Variants in DTNA observed in about 807,000 individuals in gnomAD.
The protein encoded by DTNA is dystrophin-related protein 3.
In DTNA, 43 loss-of-function variants were observed where a neutral mutation model predicts 100.7. That is an observed-to-expected ratio of 0.43 (90% CI 0.33 to 0.55). The LOEUF is 0.55. DTNA is among the 20% of genes least tolerant of loss of function. The pLI is 0.04. For synonymous variants in DTNA, 349 were observed against 347.9 expected (o/e 1.00, Z -0.04); for missense variants, 798 against 953.9 (o/e 0.84, Z 2.15).
intron 11 of DTNA, 139 bp downstream of exon 11, chr18:34,829,628 T>G (rs952600412): frequency 2.2e-6 from 2 of 915,466 alleles, no homozygotes; most frequent in Non-Finnish European, 3.1e-6. Context: ...AATGAAATTG[T>G]GTTGAGACTT....
At position 34,734,194 on chromosome 18, in the gene DTNA, A is replaced by G. The variant is rs539386439; in HGVS notation, c.-1-21782A>G. Among the ~76,000 whole-genome samples the G allele has an allele frequency of 3.0e-4, 46 of 152,226 alleles. No individual in the cohort carries two copies. The South Asian group carries it at 7.7e-3, about 25-fold the overall frequency. ...AGGGTGGCTCCTCAGGAGAATCAACATTATCTTGCTTGACAACTGCCTCAG... is the reference window on the plus strand; with the variant it reads ...AGGGTGGCTCCTCAGGAGAATCAACGTTATCTTGCTTGACAACTGCCTCAG... On this transcript the variant is annotated intron_variant, in intron 1 of 22. Transcript: ENST00000444659.
In DTNA at chr18:34,877,750, A is replaced by G. The variant is rs574230566; in HGVS notation, c.1935A>G (p.Leu645=). 4 of 1,613,908 alleles carry G rather than the reference A, an allele frequency of 2.5e-6. No homozygotes were observed. Among genetic ancestry groups the G allele is most frequent in the East Asian group, 4.5e-5 (2 of 44,854 alleles). The change falls in exon 19 of 23, where the codon CTA becomes CTG. Residue 645 remains leucine, a synonymous_variant. Transcript: ENST00000444659. ...GAAGAAACTTAAGGAATGACTTGCT[A>G]GTGGCTGCAGATTCCATCACTAACA... ...SSRRNLRNDL[L]VAADSITNTM...
At chr18:34,583,157 T>C (rs2048798525) in intron 1 of DTNA, among the ~76,000 whole-genome samples, 1 of 152,226 alleles carries the variant, frequency 6.6e-6, no homozygotes, top group Non-Finnish European at 1.5e-5. Context: ...GAAGTCTTAA[T>C]ATAGGGAACA....
At chr18:34,555,949 T>A (rs550284945) in intron 1 of DTNA, among the ~76,000 whole-genome samples, 13 of 150,836 alleles carry the variant, frequency 8.6e-5, no homozygotes, top group South Asian at 4.2e-4. Context: ...CTCGTTGATC[T>A]GTCTAATGTT....
intron 13 of DTNA, among the ~76,000 whole-genome samples, chr18:34,839,336 A>G (rs142742132): frequency 1.2e-4 from 19 of 152,328 alleles, no homozygotes; most frequent in South Asian, 1.0e-3. Context: ...TCTTTCAGCA[A>G]TTCTATTACA....
intron 1 of DTNA, among the ~76,000 whole-genome samples, chr18:34,636,577 A>G (rs2058690001): frequency 6.6e-6 from 1 of 152,240 alleles, no homozygotes; most frequent in African/African-American, 2.4e-5. Context: ...TTCTTGCACC[A>G]TCAGTGCAAA....
chr18:34,690,144 G>A lies in DTNA; in HGVS notation c.-1-65832G>A, dbSNP rs138169188. On this transcript the variant is annotated intron_variant, in intron 1 of 19. Transcript: ENST00000283365. ...TCTCTGGCTTCAGCCCCCTTCCCAG[G>A]GGAGTGAACGGCTCTGTCTCACTGG... 2.9e-3 allele frequency among the ~76,000 whole-genome samples: 444 copies of A among 152,294 alleles called. 2 individuals carry two copies. The highest frequency in any genetic ancestry group is 0.01 in the African/African-American group (418 of 41,568).
At chr18:34,537,277 C>G (rs950221392) in intron 1 of DTNA, among the ~76,000 whole-genome samples, 4 of 151,964 alleles carry the variant, frequency 2.6e-5, no homozygotes, top group African/African-American at 9.7e-5. Flanking sequence ...GCAACAGAGT[C>G]TATTTGTAAT....
At chr18:34,798,563 AG>A (rs1403398757) in intron 4 of DTNA, among the ~76,000 whole-genome samples, 4 of 152,222 alleles carry the variant, frequency 2.6e-5, no homozygotes, top group African/African-American at 9.6e-5. Flanking sequence ...TCAATTCAGT[AG>A]TATCTTCTTT....
rs2086725222 is a variant in DTNA, at chr18:34,726,507, G to A, written c.-2+16062G>A. 2.6e-5 allele frequency among the ~76,000 whole-genome samples: 4 copies of A among 152,164 alleles called. No individual in the cohort carries two copies. The South Asian group carries it at 8.3e-4, about 32-fold the overall frequency. Reference sequence around the variant, plus strand: ...GCTTCCAACGACAGTAATACTACAGGCATTGAGTAAACATTCCAAAAGGGA... The same window carrying A: ...GCTTCCAACGACAGTAATACTACAGACATTGAGTAAACATTCCAAAAGGGA... On this transcript the variant is annotated intron_variant, in intron 1 of 22. Transcript: ENST00000444659.
chr18:34,862,392 A>G (rs1206638079), intron 16 of DTNA, among the ~76,000 whole-genome samples: 1 of 151,614 alleles, frequency 6.6e-6, no homozygotes, highest in Non-Finnish European at 1.5e-5. Flanking sequence ...GTAAGTGGCA[A>G]TAATAGTTAA....
chr18:34,676,827 C>G (rs1256393167), intron 1 of DTNA, among the ~76,000 whole-genome samples: 1 of 152,104 alleles, frequency 6.6e-6, no homozygotes, highest in African/African-American at 2.4e-5. Flanking sequence ...AGAGCAAGAC[C>G]TTGTCTCAAA....
At chr18:34,887,265 A>G (rs138484457) in intron 22 of DTNA, among the ~76,000 whole-genome samples, 151 of 152,334 alleles carry the variant, frequency 9.9e-4, no homozygotes, top group African/African-American at 3.5e-3. Flanking sequence ...AATGGCACTC[A>G]GCTTAGGGTC....
chr18:34,525,087 C>A (rs1334218384), intron 1 of DTNA, among the ~76,000 whole-genome samples: 3 of 152,066 alleles, frequency 2.0e-5, no homozygotes, highest in Admixed American at 1.3e-4. Context: ...TATGTATGTT[C>A]TTTACAGTAC....
At chr18:34,771,466 C>G (rs990240430) in intron 3 of DTNA, among the ~76,000 whole-genome samples, 3 of 151,656 alleles carry the variant, frequency 2.0e-5, no homozygotes, top group Non-Finnish European at 4.4e-5. Context: ...TGCCACTGCA[C>G]TCCAGCCTGA....
intron 15 of DTNA, among the ~76,000 whole-genome samples, chr18:34,855,301 T>G (rs1453317015): frequency 6.6e-6 from 1 of 152,196 alleles, no homozygotes; most frequent in Non-Finnish European, 1.5e-5. Flanking sequence ...AATGTCCGCA[T>G]GTTTATGGCA....
At chr18:34,718,194 C>T (rs1277013582) in intron 1 of DTNA, among the ~76,000 whole-genome samples, 1 of 152,020 alleles carries the variant, frequency 6.6e-6, no homozygotes, top group Non-Finnish European at 1.5e-5. Flanking sequence ...CATAAATCAT[C>T]CTCTTGGAAG....
chr18:34,864,299 G>A (rs962697161), intron 17 of DTNA, among the ~76,000 whole-genome samples: 5 of 143,024 alleles, frequency 3.5e-5, no homozygotes, highest in East Asian at 2.0e-4. Context: ...CGCCCAGGCT[G>A]GAGTGCAGTG....
chr18:34,864,399 C>A (rs894260114), intron 17 of DTNA, among the ~76,000 whole-genome samples: 18 of 151,952 alleles, frequency 1.2e-4, no homozygotes, highest in African/African-American at 3.9e-4. Flanking sequence ...GACTACAGGC[C>A]CCCGCCACCG....
Sources: allele counts gnomAD v4.1 joint callset (sites outside exome capture counted in the v4.1 genomes callset), GRCh38; gene constraint gnomAD v4.1.1; transcripts MANE v1.5; gene names NCBI Gene and HGNC (gene_info 2026-07-23, HGNC 2026-07-21).